Variants in PRKG1 observed in about 807,000 individuals in gnomAD.
PRKG1 encodes protein kinase cGMP-dependent 1.
In PRKG1, 35 loss-of-function variants were observed where a neutral mutation model predicts 88.1. The ratio of observed to expected loss-of-function variants is 0.40; its 90% CI spans 0.30 to 0.53. The LOEUF (loss-of-function observed/expected upper bound fraction) is 0.53. Ranked by LOEUF, PRKG1 falls within the 20% of genes least tolerant of loss-of-function variation. The pLI is 0.59. For missense variants in PRKG1, 540 were observed against 839.8 expected, an observed-to-expected ratio of 0.64 and a Z score of 4.41; for synonymous variants, 303 against 292.5, an observed-to-expected ratio of 1.04 and a Z score of -0.37.
At chr10:51,079,778 C>G (rs1255663813) in intron 1 of PRKG1, among the ~76,000 whole-genome samples, 1 of 152,028 alleles carries the variant, frequency 6.6e-6, no homozygotes, top group Non-Finnish European at 1.5e-5. Context: ...TTTCTTACCC[C>G]CACCATCACA....
intron 4 of PRKG1, among the ~76,000 whole-genome samples, chr10:51,871,224 A>G (rs1338875729): frequency 2.0e-5 from 3 of 152,216 alleles, no homozygotes; most frequent in Non-Finnish European, 4.4e-5. Context: ...CTTTCAGAAC[A>G]TGGCTATGGT....
intron 3 of PRKG1, among the ~76,000 whole-genome samples, chr10:51,688,632 A>C (rs1841055997): frequency 6.9e-6 from 1 of 145,310 alleles, no homozygotes; most frequent in Non-Finnish European, 1.5e-5. Flanking sequence ...GGTAAATTCT[A>C]GATTTTAAAG....
At chr10:51,554,538 A>G (rs1322853495) in intron 3 of PRKG1, among the ~76,000 whole-genome samples, 2 of 150,268 alleles carry the variant, frequency 1.3e-5, no homozygotes, top group Non-Finnish European at 3.0e-5. Context: ...ATTTTTCAAG[A>G]TTTTCTCATG....
intron 8 of PRKG1, among the ~76,000 whole-genome samples, chr10:52,159,449 A>G (rs913505489): frequency 9.2e-5 from 14 of 151,676 alleles, no homozygotes; most frequent in Admixed American, 8.5e-4. Context: ...GAGGTTTAAA[A>G]TGTGTTTTTT....
intron 8 of PRKG1, among the ~76,000 whole-genome samples, chr10:52,151,656 A>C (rs545964056): frequency 6.6e-6 from 1 of 152,220 alleles, no homozygotes; most frequent in Non-Finnish European, 1.5e-5. Context: ...CCAGCCACAA[A>C]AAGTATGTCC....
chr10:51,799,864 T>C (rs549751014), intron 3 of PRKG1, among the ~76,000 whole-genome samples: 2 of 152,086 alleles, frequency 1.3e-5, no homozygotes, highest in Admixed American at 1.3e-4. Context: ...TGGTGAAGCA[T>C]ATGGAATCCT....
chr10:51,551,283 CA>C (rs1225467306), intron 3 of PRKG1, among the ~76,000 whole-genome samples: 2 of 151,738 alleles, frequency 1.3e-5, no homozygotes, highest in Non-Finnish European at 3.0e-5. Flanking sequence ...TTAAGGAATT[CA>C]AAGTTTTTCT....
intron 3 of PRKG1, among the ~76,000 whole-genome samples, chr10:51,676,019 T>C (rs1319408884): frequency 6.6e-6 from 1 of 151,806 alleles, no homozygotes; most frequent in Non-Finnish European, 1.5e-5. Flanking sequence ...CTAGTAATCC[T>C]AGCATTTTGA....
chr10:51,568,339 C>A (rs2132162507), intron 3 of PRKG1: 1 of 152,158 alleles, frequency 6.6e-6, no homozygotes, highest in East Asian at 1.9e-4. Flanking sequence ...CTCTGAGGAG[C>A]AATTGGTTAC....
chr10:51,537,340 C>G (rs1842181793), intron 3 of PRKG1, among the ~76,000 whole-genome samples: 2 of 152,104 alleles, frequency 1.3e-5, no homozygotes. Flanking sequence ...AAATGAAGTT[C>G]TTAACTTACA....
At chr10:51,552,305 T>G (rs1023612098) in intron 3 of PRKG1, among the ~76,000 whole-genome samples, 25 of 151,706 alleles carry the variant, frequency 1.6e-4, no homozygotes, top group African/African-American at 6.0e-4. Context: ...TCTTTCTATT[T>G]AGTATACATT....
At chr10:52,126,710 T>A (rs1847939274) in intron 7 of PRKG1, among the ~76,000 whole-genome samples, 1 of 152,120 alleles carries the variant, frequency 6.6e-6, no homozygotes, top group African/African-American at 2.4e-5. Flanking sequence ...TGAAGGATAA[T>A]GGAAGTTTTA....
At chr10:52,227,051 C>T (rs1385768310) in intron 9 of PRKG1, among the ~76,000 whole-genome samples, 1 of 152,108 alleles carries the variant, frequency 6.6e-6, no homozygotes. Flanking sequence ...GTCCTTGAAG[C>T]AGTTCAACAG....
chr10:51,639,216 C>A (rs1243107402), intron 3 of PRKG1, among the ~76,000 whole-genome samples: 1 of 151,608 alleles, frequency 6.6e-6, no homozygotes, highest in Non-Finnish European at 1.5e-5. Context: ...GGGCGGATAA[C>A]GAGGTGAGGA....
chr10:51,644,285 T>A (rs1446477331), intron 3 of PRKG1, among the ~76,000 whole-genome samples: 3 of 152,212 alleles, frequency 2.0e-5, no homozygotes. Context: ...TCTTGTTTTT[T>A]ATTGATGAGA....
intron 9 of PRKG1, among the ~76,000 whole-genome samples, chr10:52,222,787 C>G (rs1353666090): frequency 1.3e-5 from 2 of 152,188 alleles, no homozygotes; most frequent in African/African-American, 4.8e-5. Flanking sequence ...GATAAAACAG[C>G]TGTTTGTGTT....
At chr10:52,084,027 A>G (rs1237089607) in intron 7 of PRKG1, among the ~76,000 whole-genome samples, 1 of 152,058 alleles carries the variant, frequency 6.6e-6, no homozygotes, top group African/African-American at 2.4e-5. Context: ...ATATTGATGG[A>G]CTATAAGGAA....
chr10:52,190,985 A>G (rs2132753518), intron 9 of PRKG1, among the ~76,000 whole-genome samples: 1 of 152,314 alleles, frequency 6.6e-6, no homozygotes, highest in Non-Finnish European at 1.5e-5. Flanking sequence ...TATCACACTT[A>G]ACAAAATGAG....
chr10:52,199,264 C>T (rs947927995), intron 9 of PRKG1, among the ~76,000 whole-genome samples: 26 of 152,088 alleles, frequency 1.7e-4, no homozygotes, highest in African/African-American at 6.3e-4. Flanking sequence ...TCCTCCCTAT[C>T]GTATTATCCT....
Sources: gnomAD v4.1 joint callset for allele counts (sites outside exome capture counted in the v4.1 genomes callset) on GRCh38, gnomAD v4.1.1 for gene constraint, MANE v1.5 for transcripts, NCBI Gene and HGNC (gene_info 2026-07-23, HGNC 2026-07-21) for gene names.